The following CTNNA3 variants were observed in gnomAD, a reference collection of about 807,000 sequenced individuals.
CTNNA3 encodes the protein catenin alpha 3.
CTNNA3 carries 76 observed loss-of-function variants against 95.7 expected under a neutral mutation model. The observed-to-expected ratio is 0.79, with a 90% CI of 0.66 to 0.96. The LOEUF (loss-of-function observed/expected upper bound fraction) is 0.96. Ranked by LOEUF, CTNNA3 falls within the 40% of genes least tolerant of loss-of-function variation. The pLI is 0.00. For synonymous variants in CTNNA3, 431 were observed against 374.4 expected (o/e 1.15, Z -1.74); for missense variants, 1,191 against 1,089.8 (o/e 1.09, Z -1.31).
intron 17 of CTNNA3, among the ~76,000 whole-genome samples, chr10:65,948,271 A>C (rs1374966059): frequency 7.9e-6 from 1 of 126,750 alleles, no homozygotes; most frequent in African/African-American, 3.2e-5. Context: ...ACAGAGCGAG[A>C]CTCCATCTCA....
At chr10:66,569,161 G>C (rs7919283) in intron 10 of CTNNA3, among the ~76,000 whole-genome samples, 48,883 of 151,852 alleles carry the variant, frequency 0.32, 8,085 homozygotes, top group South Asian at 0.52. Flanking sequence ...AACAAAGGAG[G>C]CTGCCCCATC....
At chr10:66,562,242 T>C (rs1842576320) in intron 10 of CTNNA3, among the ~76,000 whole-genome samples, 1 of 152,130 alleles carries the variant, frequency 6.6e-6, no homozygotes, top group Non-Finnish European at 1.5e-5. Context: ...TGTTTTCATA[T>C]ATAAGGTAAC....
intron 5 of CTNNA3, among the ~76,000 whole-genome samples, chr10:67,391,206 G>C (rs959293124): frequency 2.6e-5 from 4 of 152,048 alleles, no homozygotes; most frequent in African/African-American, 7.3e-5. Context: ...CTTCAGCAAA[G>C]TCTCAGGATA....
chr10:66,952,058 A>G (rs1250828434), intron 7 of CTNNA3, among the ~76,000 whole-genome samples: 5 of 152,180 alleles, frequency 3.3e-5, no homozygotes, highest in Admixed American at 6.6e-5. Context: ...TAAGCCTAAT[A>G]TGGGAAACAA....
chr10:66,926,179 T>C lies in CTNNA3; in HGVS notation c.1048-150655A>G, dbSNP rs1303052622. On this transcript the variant is annotated intron_variant, in intron 7 of 17. Transcript: ENST00000433211. ...TCACGGGAACTGCTGGGGTATGGAA[T>C]ACAGATGTGGCAGCTCAGGTAGCCC... 1.1e-5 allele frequency: 5 copies of C among 463,828 alleles called. No individual in the cohort carries two copies. In the East Asian group the frequency reaches 2.0e-4, roughly 19 times the overall value. The allele number at this position is 463,828 out of a possible 1,614,324, so 28.7% of individuals were successfully genotyped here.
chr10:65,934,095 T>C (rs2077297410), intron 17 of CTNNA3, among the ~76,000 whole-genome samples: 1 of 152,174 alleles, frequency 6.6e-6, no homozygotes, highest in Non-Finnish European at 1.5e-5. Context: ...ATAATCTAGG[T>C]TTAATGACAT....
At chr10:66,208,606 G>A (rs1253237195) in intron 13 of CTNNA3, among the ~76,000 whole-genome samples, 1 of 152,044 alleles carries the variant, frequency 6.6e-6, no homozygotes, top group East Asian at 1.9e-4. Context: ...ACGCTTGAAA[G>A]GAACTTAAAA....
At chr10:66,025,923 C>T (rs1679978106) in intron 15 of CTNNA3, among the ~76,000 whole-genome samples, 1 of 152,134 alleles carries the variant, frequency 6.6e-6, no homozygotes, top group African/African-American at 2.4e-5. Context: ...ATATGCTGTA[C>T]AGTATGAACA....
intron 5 of CTNNA3, among the ~76,000 whole-genome samples, chr10:67,224,233 A>G (rs951179111): frequency 6.6e-6 from 1 of 152,164 alleles, no homozygotes; most frequent in Non-Finnish European, 1.5e-5. Flanking sequence ...ATACCCTTTG[A>G]CCAATATGTC....
At chr10:67,535,094 T>A (rs1055331725) in intron 4 of CTNNA3, among the ~76,000 whole-genome samples, 3 of 152,152 alleles carry the variant, frequency 2.0e-5, no homozygotes, top group African/African-American at 7.2e-5. Flanking sequence ...CCTTTATAAC[T>A]GGGATTACTA....
intron 5 of CTNNA3, among the ~76,000 whole-genome samples, chr10:67,407,042 C>T (rs903481129): frequency 6.6e-6 from 1 of 152,040 alleles, no homozygotes; most frequent in Non-Finnish European, 1.5e-5. Flanking sequence ...AATTGAAAAG[C>T]AGGGACTCCC....
chr10:66,767,512 T>C (rs1409314153), intron 8 of CTNNA3, among the ~76,000 whole-genome samples: 2 of 150,880 alleles, frequency 1.3e-5, no homozygotes, highest in African/African-American at 4.9e-5. Context: ...TCAATGACTA[T>C]AAATGGGCCC....
chr10:67,200,969 T>C (rs1321131268), intron 6 of CTNNA3, among the ~76,000 whole-genome samples: 1 of 152,194 alleles, frequency 6.6e-6, no homozygotes, highest in Non-Finnish European at 1.5e-5. Context: ...AAAGGGTCAA[T>C]TGACCCCAAC....
intron 5 of CTNNA3, among the ~76,000 whole-genome samples, chr10:67,499,337 G>A (rs1339404166): frequency 6.6e-6 from 1 of 152,190 alleles, no homozygotes; most frequent in African/African-American, 2.4e-5. Flanking sequence ...CGGTTTGCCA[G>A]TCTTTTATTG....
chr10:67,623,092 T>A (rs1037131855), intron 2 of CTNNA3, among the ~76,000 whole-genome samples: 1 of 152,180 alleles, frequency 6.6e-6, no homozygotes, highest in Admixed American at 6.5e-5. Flanking sequence ...CTGATACAAA[T>A]TCTATTGATA....
At chr10:67,734,989 T>G (rs1442394525) in intron 1 of CTNNA3, among the ~76,000 whole-genome samples, 1 of 152,170 alleles carries the variant, frequency 6.6e-6, no homozygotes, top group Non-Finnish European at 1.5e-5. Flanking sequence ...AACAGTTTCT[T>G]AAAAGGTATG....
chr10:66,453,949 G>T (rs2093480055), intron 11 of CTNNA3, among the ~76,000 whole-genome samples: 1 of 152,142 alleles, frequency 6.6e-6, no homozygotes, highest in Admixed American at 6.5e-5. Context: ...TTGCAGATGT[G>T]ATTAAGCTAA....
chr10:66,609,501 C>T (rs771503889), intron 10 of CTNNA3, among the ~76,000 whole-genome samples: 24 of 151,106 alleles, frequency 1.6e-4, no homozygotes, highest in Admixed American at 8.6e-4. Context: ...ATATGCAAAA[C>T]GCTCAACATC....
chr10:67,413,036 A>G (rs1438458329), intron 5 of CTNNA3, among the ~76,000 whole-genome samples: 1 of 152,144 alleles, frequency 6.6e-6, no homozygotes, highest in East Asian at 1.9e-4. Context: ...CCCACTCAAA[A>G]GACACAGAGT....
Sources: allele counts gnomAD v4.1 joint callset (sites outside exome capture counted in the v4.1 genomes callset), GRCh38; gene constraint gnomAD v4.1.1; transcripts MANE v1.5; gene names NCBI Gene and HGNC (gene_info 2026-07-23, HGNC 2026-07-21).